PALS2: variants seen among roughly 807,000 people sequenced by gnomAD.
The protein encoded by PALS2 is protein PALS2.
PALS2 carries 27 observed loss-of-function variants against 61.6 expected under a neutral mutation model. The observed-to-expected ratio is 0.44, with a 90% confidence interval of 0.32 to 0.60. The LOEUF (loss-of-function observed/expected upper bound fraction) is 0.60, where lower values mean the gene tolerates loss of function less well. Among genes scored for constraint, PALS2 ranks in the 20% least tolerant of loss-of-function variants. PALS2 has a pLI of 0.05. For missense variants in PALS2, 554 were observed against 639.4 expected, an observed-to-expected ratio of 0.87 and a Z score of 1.44; for synonymous variants, 236 against 218.6, an observed-to-expected ratio of 1.08 and a Z score of -0.70.
At chr7:24,655,965 T>C (rs184090204) in intron 5 of PALS2, among the ~76,000 whole-genome samples, 1 of 152,186 alleles carries the variant, frequency 6.6e-6, no homozygotes, top group Non-Finnish European at 1.5e-5. Flanking sequence ...TATCTTGCTG[T>C]TATCAAAAAT....
At chr7:24,583,798 C>G (rs62449802) in intron 1 of PALS2, among the ~76,000 whole-genome samples, 1 of 151,966 alleles carries the variant, frequency 6.6e-6, no homozygotes, top group Non-Finnish European at 1.5e-5. Context: ...TCTCCCAATG[C>G]TATCCCTCCC....
intron 1 of PALS2, among the ~76,000 whole-genome samples, chr7:24,607,623 GTATA>G (rs760117855): frequency 1.4e-5 from 2 of 144,216 alleles, no homozygotes; most frequent in Non-Finnish European, 1.5e-5. Flanking sequence ...ATATATGTGT[GTATA>G]TATACATATA....
intron 1 of PALS2, among the ~76,000 whole-genome samples, chr7:24,614,275 T>C (rs996382776): frequency 6.6e-6 from 1 of 151,932 alleles, no homozygotes; most frequent in Non-Finnish European, 1.5e-5. Flanking sequence ...TTTTCAGTTA[T>C]TATAAATATA....
In PALS2 at chr7:24,693,225, T is replaced by C. The variant is rs141395843; in HGVS notation, c.*5611T>C. 4.5e-4 allele frequency: 69 copies of C among 152,300 alleles called. No homozygotes were observed. The highest frequency in any genetic ancestry group is 1.6e-3 in the African/African-American group (67 of 41,570). 9.4% of individuals were successfully genotyped at this position (152,300 alleles called of 1,614,324 possible). A position where few individuals can be genotyped will look rare whatever the true frequency, so the allele number is the denominator to read the frequency against. ...TCTTTGAATCTTATGAAATAGGTGG[T>C]GTTGCTACCACAGAAGCCAAAAAGG... On this transcript the variant is annotated 3_prime_UTR_variant, in exon 12 of 12. Coordinates refer to ENST00000222644, the MANE Select transcript of PALS2 (RefSeq NM_001303037.2).
At chr7:24,616,485 G>A (rs372283389) in intron 1 of PALS2, among the ~76,000 whole-genome samples, 8 of 152,102 alleles carry the variant, frequency 5.3e-5, no homozygotes, top group East Asian at 1.9e-4. Context: ...AATGAAATAA[G>A]TGTAGCTTTT....
intron 9 of PALS2, among the ~76,000 whole-genome samples, chr7:24,675,099 G>A (rs1787494628): frequency 6.6e-6 from 1 of 152,120 alleles, no homozygotes; most frequent in Admixed American, 6.6e-5. Context: ...TTTTTGAAGT[G>A]TTAGTAGAGA....
chr7:24,623,675 A>G lies in PALS2; in HGVS notation c.8A>G (p.Gln3Arg), dbSNP rs201238315. The change falls in exon 2 of 12, where the codon CAA (glutamine) becomes CGA (arginine). Residue 3 changes from glutamine (Q) to arginine (R), a missense_variant. Physicochemically the swap from Gln to Arg is conservative, Grantham distance 43. Transcript: ENST00000222644. MQ[Q>R]VLENLTELPS... is the part of the protein sequence containing the mutation. The stretch of plus-strand genomic sequence containing the variant: ...GCTTTTATCTCAGCAGCAATGCAGC[A>G]AGTCTTGGAAAACCTTACGGAGCTG... The G allele has an allele frequency of 1.3e-6, 2 of 1,572,550 alleles. No homozygotes were observed. The highest frequency in any genetic ancestry group is 4.0e-5 in the Admixed American group (2 of 50,614).
chr7:24,651,459 T>A (rs966998588), intron 5 of PALS2, among the ~76,000 whole-genome samples: 2 of 152,176 alleles, frequency 1.3e-5, no homozygotes, highest in Non-Finnish European at 2.9e-5. Flanking sequence ...GGGATAAAAT[T>A]TGTTTTCTCA....
At chr7:24,649,474 C>G in intron 3 of PALS2, 138 bp from the exon 4 acceptor site, 2 of 490,828 alleles carry the variant, frequency 4.1e-6, no homozygotes, top group Non-Finnish European at 6.8e-6. Flanking sequence ...TTTGATCAAC[C>G]TGATATTTGG....
chr7:24,611,856 A>G (rs1340117729), intron 1 of PALS2, among the ~76,000 whole-genome samples: 5 of 151,922 alleles, frequency 3.3e-5, no homozygotes, highest in Non-Finnish European at 7.4e-5. Flanking sequence ...ATCTAGCAAT[A>G]TATTAAAATG....
intron 1 of PALS2, among the ~76,000 whole-genome samples, chr7:24,599,653 C>T (rs369497073): frequency 2.0e-5 from 3 of 151,202 alleles, no homozygotes; most frequent in African/African-American, 7.3e-5. Flanking sequence ...TACAGGTGTG[C>T]ACCACCGCAC....
intron 9 of PALS2, among the ~76,000 whole-genome samples, chr7:24,673,815 T>G (rs746582754): frequency 2.2e-4 from 34 of 152,208 alleles, no homozygotes; most frequent in African/African-American, 5.8e-4. Context: ...TTCTTTCTAC[T>G]TGTACTTTGG....
chr7:24,678,869 T>A (rs986623263), intron 9 of PALS2, among the ~76,000 whole-genome samples: 1 of 152,190 alleles, frequency 6.6e-6, no homozygotes, highest in Non-Finnish European at 1.5e-5. Flanking sequence ...TGGTAAAGTT[T>A]TAGGCTTCGC....
chr7:24,638,666 A>G (rs1218824788), intron 2 of PALS2, among the ~76,000 whole-genome samples: 2 of 152,118 alleles, frequency 1.3e-5, no homozygotes, highest in African/African-American at 4.8e-5. Flanking sequence ...CTCTTCTTCC[A>G]TAGAACCAAA....
At chr7:24,661,935 C>T (rs575043528) in intron 5 of PALS2, among the ~76,000 whole-genome samples, 3 of 152,186 alleles carry the variant, frequency 2.0e-5, no homozygotes, top group East Asian at 1.9e-4. Context: ...CTGTCTTATC[C>T]GCCAACTAAA....
chr7:24,591,066 T>C (rs1001462775), intron 1 of PALS2, among the ~76,000 whole-genome samples: 1 of 152,224 alleles, frequency 6.6e-6, no homozygotes. Context: ...AGTGCTGTTT[T>C]ATTCTTTTTT....
rs551634912 is a variant in PALS2, at chr7:24,594,726, A to T, written c.-3+21133A>T. ...GTAAACAGTAGTAACATCAAAGAGC[A>T]CAGATGTGATGGATATGGTAATTAC... On this transcript the variant is annotated intron_variant, in intron 1 of 11. Coordinates refer to ENST00000222644, the MANE Select transcript of PALS2 (RefSeq NM_001303037.2). 2.6e-5 allele frequency among the ~76,000 whole-genome samples: 4 copies of T among 152,234 alleles called. No individual in the cohort carries two copies. In the South Asian group the frequency reaches 8.3e-4, roughly 32 times the overall value.
At chr7:24,653,831 C>T (rs1786282575) in intron 5 of PALS2, among the ~76,000 whole-genome samples, 1 of 152,158 alleles carries the variant, frequency 6.6e-6, no homozygotes, top group South Asian at 2.1e-4. Flanking sequence ...TTGACCATTA[C>T]CAGACATGCT....
At chr7:24,647,259 G>T (rs1466785947) in intron 3 of PALS2, among the ~76,000 whole-genome samples, 1 of 151,304 alleles carries the variant, frequency 6.6e-6, no homozygotes, top group Non-Finnish European at 1.5e-5. Flanking sequence ...CAATTCTCCT[G>T]CCTCAGCCTC....
Sources: allele counts gnomAD v4.1 joint callset (sites outside exome capture counted in the v4.1 genomes callset), GRCh38; gene constraint gnomAD v4.1.1; transcripts MANE v1.5; gene names NCBI Gene and HGNC (gene_info 2026-07-23, HGNC 2026-07-21).